The following DNAH2 variants were observed in gnomAD, a reference collection of about 807,000 sequenced individuals.
DNAH2 encodes axonemal beta dynein heavy chain 2.
Under a neutral mutation model 523.5 loss-of-function variants are expected in DNAH2, and 323 were observed. That is an observed-to-expected ratio of 0.62 (90% CI 0.56 to 0.68). The LOEUF (loss-of-function observed/expected upper bound fraction) is 0.68. Ranked by LOEUF, DNAH2 falls within the 30% of genes least tolerant of loss-of-function variation. DNAH2 has a pLI of 0.00. For synonymous variants in DNAH2, 2,093 were observed against 2,177.4 expected (o/e 0.96, Z 1.08); for missense variants, 4,907 against 5,701.5 (o/e 0.86, Z 4.49).
Position 7,821,252 on chromosome 17 carries a change from C to T in DNAH2, c.11025C>T (p.Cys3675=). 6.2e-7 allele frequency: 1 copy of T among 1,613,450 alleles called. No individual in the cohort carries two copies. The highest frequency in any genetic ancestry group is 8.5e-7 in the Non-Finnish European group (1 of 1,179,606). The part of the protein sequence containing the change: ...YHTYAVYRYT[C]RTLFERHKLL... ...TGTCCCTTTCTCCCAGGTACACCTGCCGTACCCTTTTCGAACGCCACAAAC... is the reference window on the plus strand; with the variant it reads ...TGTCCCTTTCTCCCAGGTACACCTGTCGTACCCTTTTCGAACGCCACAAAC... The change falls in exon 73 of 86, where the codon TGC becomes TGT. Residue 3675 remains cysteine (C), a synonymous_variant. Transcript: ENST00000572933. The surrounding 1 kb of genome is among the most constrained non-coding windows in gnomAD (Gnocchi z 5.0).
rs533983297 is a variant in DNAH2, at chr17:7,766,412, T to A, written c.3606T>A (p.Ser1202Arg). Residue 1202 changes from serine to arginine, a missense_variant, in exon 22 of 86, where the codon AGT (serine) becomes AGA (arginine). Physicochemically the swap from Ser to Arg is moderately radical, Grantham distance 110 (BLOSUM62 -1). Coordinates refer to ENST00000572933, the MANE Select transcript of DNAH2 (RefSeq NM_020877.5). ...MLMAMREEEN[S>R]LRANLGIFKI... ...TGGCCATGCGGGAAGAGGAAAATAG[T>A]CTCCGAGCCAACCTGGGCATCTTCA... is the stretch of plus-strand genomic sequence containing the variant. 1 of 1,613,924 alleles carries A rather than the reference T, an allele frequency of 6.2e-7. No homozygotes were observed. Among genetic ancestry groups the A allele is most frequent in the Admixed American group, 1.7e-5 (1 of 59,982 alleles).
intron 77 of DNAH2, 133 bp from the exon 78 acceptor site, chr17:7,830,167 A>G (rs1365987241): frequency 2.2e-6 from 2 of 910,276 alleles, no homozygotes; most frequent in East Asian, 5.2e-5. Context: ...CAACGGCTAC[A>G]TTTCAGCCTC....
At chr17:7,758,784 T>C in intron 14 of DNAH2, 101 bp from the exon 15 acceptor site, 2 of 1,562,422 alleles carry the variant, frequency 1.3e-6, no homozygotes, top group Non-Finnish European at 1.7e-6. Context: ...GACTTTTTTG[T>C]GTGTCATCCA....
At chr17:7,787,063 TGCAGAG>T in intron 42 of DNAH2, 30 bp downstream of exon 42, 1 of 1,611,718 alleles carries the variant, frequency 6.2e-7, no homozygotes, top group South Asian at 1.1e-5. Flanking sequence ...CCTGGAGGCC[TGCAGAG>T]GCAGGCACCG....
At chr17:7,775,829 G>T (rs562371571) in intron 30 of DNAH2, among the ~76,000 whole-genome samples, 195 bp from the exon 31 acceptor site, 1 of 151,790 alleles carries the variant, frequency 6.6e-6, no homozygotes, top group Non-Finnish European at 1.5e-5. Context: ...GCTCTGAACC[G>T]AAATTTCCTT....
chr17:7,759,691 T>G (rs75154660), intron 16 of DNAH2, 81 bp downstream of exon 16: 53,819 of 1,599,834 alleles, frequency 0.034, 2,133 homozygotes, highest in Admixed American at 0.17. Flanking sequence ...ACTTGGTCCT[T>G]GGCCTTGACT....
At chr17:7,818,818 TC>T in intron 70 of DNAH2, 42 bp downstream of exon 70, 1 of 1,612,472 alleles carries the variant, frequency 6.2e-7, no homozygotes, top group Non-Finnish European at 8.5e-7. Flanking sequence ...ACGGGTCTAC[TC>T]CCAGCCAGCC....
intron 30 of DNAH2, 121 bp from the exon 31 acceptor site, chr17:7,775,903 C>A: frequency 7.5e-7 from 1 of 1,334,560 alleles, no homozygotes; most frequent in Non-Finnish European, 1.0e-6. Flanking sequence ...CAGCTGTTGG[C>A]CATTCCCGCT....
At chr17:7,822,924 G>A (rs754333594) in intron 73 of DNAH2, among the ~76,000 whole-genome samples, 4 of 152,160 alleles carry the variant, frequency 2.6e-5, no homozygotes, top group Non-Finnish European at 5.9e-5. Context: ...AACTGTGAGG[G>A]CTAAGGGCAG....
Position 7,777,459 on chromosome 17 carries a change from A to C in DNAH2, c.5072A>C (p.Asn1691Thr), listed in dbSNP as rs774378346. Residue 1691 changes from asparagine (N) to threonine (T), a missense_variant, in exon 33 of 86, where the codon AAT (asparagine) becomes ACT (threonine). Coordinates refer to ENST00000572933, the MANE Select transcript of DNAH2 (RefSeq NM_020877.5). ...VMKKNQVSIL[N>T]KYSEAIRGNL... ...TTCATGCCACAGGTGTCAATCCTGA[A>C]TAAGTATTCAGAAGCCATCAGGGGG... 1 of 1,614,192 alleles carries C rather than the reference A, an allele frequency of 6.2e-7. No homozygotes were observed. Among genetic ancestry groups the C allele is most frequent in the Non-Finnish European group, 8.5e-7 (1 of 1,180,026 alleles).
Position 7,764,195 on chromosome 17 carries a change from C to T in DNAH2, c.3258C>T (p.Ala1086=), listed in dbSNP as rs765843150. ...QLVDALKHDL[A]NVETQIPPIH... ...TGGATGCCCTGAAGCACGACTTGGC[C>T]AACGTGGAGACTCAGATCCCTCCCA... The change falls in exon 20 of 86, where the codon GCC becomes GCT. Residue 1086 remains alanine (A), a synonymous_variant. Transcript: ENST00000572933. 3 of 1,614,170 alleles carry T rather than the reference C, an allele frequency of 1.9e-6. No homozygotes were observed. The highest frequency in any genetic ancestry group is 1.1e-5 in the South Asian group (1 of 91,084).
At chr17:7,774,548 C>CAATA (rs2076397752) in intron 28 of DNAH2, among the ~76,000 whole-genome samples, 1 of 152,082 alleles carries the variant, frequency 6.6e-6, no homozygotes, top group African/African-American at 2.4e-5. Flanking sequence ...GTAACATGTA[C>CAATA]AATAGTGCAT....
chr17:7,765,386 C>T lies in DNAH2; in HGVS notation c.3337-5C>T. ...TGGTCATCCTCCACTCTCTGACTCC[C>T]CCAGGTCCTGGAGATGCTGGACAGT... On this transcript the variant is annotated splice_region_variant and splice_polypyrimidine_tract_variant and intron_variant, in intron 20 of 85. Transcript: ENST00000572933. 2 of 1,611,206 alleles carry T rather than the reference C, an allele frequency of 1.2e-6. No homozygotes were observed. The highest frequency in any genetic ancestry group is 1.7e-6 in the Non-Finnish European group (2 of 1,178,416).
Position 7,734,119 on chromosome 17 carries a change from A to G in DNAH2, c.629-64A>G, listed in dbSNP as rs1259009795. 22 of 1,429,596 alleles carry G rather than the reference A, an allele frequency of 1.5e-5. No individual in the cohort carries two copies. In the East Asian group the frequency reaches 5.5e-4, roughly 36 times the overall value. The allele number at this position is 1,429,596 out of a possible 1,614,324, so 88.6% of individuals were successfully genotyped here. A position where few individuals can be genotyped will look rare whatever the true frequency, so the allele number is the denominator to read the frequency against. ...GGTCCCCTACCGATCATCAACCGTG[A>G]TTCCTACGGGGCCAGCAAGAACTCA... On this transcript the variant is annotated intron_variant, in intron 5 of 85. Transcript: ENST00000572933.
chr17:7,767,299 TA>T (rs1455492140), intron 22 of DNAH2, among the ~76,000 whole-genome samples: 1 of 152,224 alleles, frequency 6.6e-6, no homozygotes, highest in African/African-American at 2.4e-5. Flanking sequence ...CATATTTGAA[TA>T]TCGCATGAGT....
intron 12 of DNAH2, among the ~76,000 whole-genome samples, chr17:7,753,130 T>C (rs1327842416): frequency 6.6e-6 from 1 of 152,224 alleles, no homozygotes; most frequent in Non-Finnish European, 1.5e-5. Context: ...TTTAGCATAT[T>C]AAAAACAGAA....
At chr17:7,739,067 C>T (rs2075226629) in intron 8 of DNAH2, 1 of 694,526 alleles carries the variant, frequency 1.4e-6, no homozygotes, top group Admixed American at 2.0e-5. Context: ...GAATCCCTCC[C>T]CACCTCCCAC....
intron 18 of DNAH2, among the ~76,000 whole-genome samples, chr17:7,763,221 C>A (rs762441026): frequency 5.3e-5 from 8 of 152,146 alleles, no homozygotes; most frequent in Admixed American, 3.3e-4. Context: ...TGCAGTGGCG[C>A]GATCTCGGCT....
chr17:7,798,636 A>G lies in DNAH2; in HGVS notation c.8477A>G (p.Asp2826Gly), dbSNP rs1282806972. The change falls in exon 55 of 86, where the codon GAT becomes GGT. Residue 2826 changes from aspartate to glycine, a missense_variant. This residue lies in a region of DNAH2 where 1,851 missense variants were observed against 2,139.4 expected (regional missense o/e 0.87). Transcript: ENST00000572933. This position sits in a 1 kb window ranked among gnomAD's most constrained non-coding sequence, Gnocchi z 5.5. The stretch of plus-strand genomic sequence containing the variant: ...ATTTTTGTGGACACCCAAATAGCTG[A>G]TGAGTCCTTCCTAGAGGACATCAAC... ...SFIFVDTQIADESFLEDINNI... is the reference protein window; with the variant it reads ...SFIFVDTQIAGESFLEDINNI... 1 of 1,614,008 alleles carries G rather than the reference A, an allele frequency of 6.2e-7. No homozygotes were observed. Among genetic ancestry groups the G allele is most frequent in the Non-Finnish European group, 8.5e-7 (1 of 1,179,896 alleles).
Sources: allele counts gnomAD v4.1 joint callset (sites outside exome capture counted in the v4.1 genomes callset), GRCh38; gene constraint gnomAD v4.1.1; regional missense constraint gnomAD v4.1.1; non-coding constraint Gnocchi (gnomAD v3.1); transcripts MANE v1.5; gene names NCBI Gene and HGNC (gene_info 2026-07-23, HGNC 2026-07-21).